PCDHGA4: variants seen among roughly 807,000 people sequenced by gnomAD.
PCDHGA4 encodes protocadherin gamma-A4.
A neutral mutation model predicts 54.6 loss-of-function variants in PCDHGA4; 38 were observed. The ratio of observed to expected loss-of-function variants is 0.70; its 90% confidence interval spans 0.54 to 0.91. PCDHGA4 has a LOEUF of 0.91. PCDHGA4 is among the 40% of genes least tolerant of loss of function. The pLI, the probability that PCDHGA4 is intolerant of heterozygous loss-of-function variation, is 0.00. For missense variants in PCDHGA4, 1,298 were observed against 1,220.9 expected (o/e 1.06, Z -0.94); for synonymous variants, 511 against 512.9 (o/e 1.00, Z 0.05).
chr5:141,421,433 C>T, intron 1 of PCDHGA4: 1 of 1,614,074 alleles, frequency 6.2e-7, no homozygotes, highest in African/African-American at 1.3e-5. Flanking sequence ...CGCATCGTCT[C>T]CAGAGGGAAG....
At chr5:141,371,827 A>AT (rs1561552791) in intron 1 of PCDHGA4, 3 of 1,613,784 alleles carry the variant, frequency 1.9e-6, no homozygotes, top group Admixed American at 3.3e-5. Context: ...AGAGCCTCGG[A>AT]TCCCGACTTG....
intron 1 of PCDHGA4, chr5:141,427,369 C>T (rs1333238163): frequency 4.4e-6 from 2 of 457,834 alleles, no homozygotes; most frequent in Non-Finnish European, 8.8e-6. Flanking sequence ...GAACCCTGGA[C>T]GGTGATCACT....
At position 141,487,080 on chromosome 5, in the gene PCDHGA4, C is replaced by G. The variant is rs2154580766; in HGVS notation, c.2515-7727C>G. 1 of 1,614,126 alleles carries G rather than the reference C, an allele frequency of 6.2e-7. No individual in the cohort carries two copies. Among genetic ancestry groups the G allele is most frequent in the East Asian group, 2.2e-5 (1 of 44,872 alleles). On this transcript the variant is annotated intron_variant, in intron 1 of 3. Coordinates refer to ENST00000571252, the MANE Select transcript of PCDHGA4 (RefSeq NM_018917.4). This position sits in a 1 kb window ranked among gnomAD's most constrained non-coding sequence, Gnocchi z 5.0. ...GTGCGGACGGCTGTTCCTATCCCAG[C>G]TGACCTCCCACCACAGAAGCTGGTC...
At chr5:141,383,059 C>A (rs1778767353) in intron 1 of PCDHGA4, 1 of 1,613,894 alleles carries the variant, frequency 6.2e-7, no homozygotes, top group Non-Finnish European at 8.5e-7. Flanking sequence ...GGACCTGGGG[C>A]TGGAGCCCCG....
intron 1 of PCDHGA4, among the ~76,000 whole-genome samples, chr5:141,457,873 G>C (rs967389295): frequency 2.0e-5 from 3 of 152,200 alleles, no homozygotes; most frequent in Non-Finnish European, 4.4e-5. Context: ...CCACAGGTTA[G>C]GAACCCTGTG....
intron 1 of PCDHGA4, chr5:141,375,797 T>A: frequency 6.2e-7 from 1 of 1,614,192 alleles, no homozygotes; most frequent in Non-Finnish European, 8.5e-7. Flanking sequence ...CACAGACGGT[T>A]CCACTGGCGT....
In PCDHGA4 at chr5:141,489,734, A is replaced by G; in HGVS notation, c.2515-5073A>G. The G allele has an allele frequency of 6.2e-7, 1 of 1,614,164 alleles. No individual in the cohort carries two copies. Among genetic ancestry groups the G allele is most frequent in the Non-Finnish European group, 8.5e-7 (1 of 1,180,028 alleles). On this transcript the variant is annotated intron_variant, in intron 1 of 3. Transcript: ENST00000571252. This position sits in a 1 kb window ranked among gnomAD's most constrained non-coding sequence, Gnocchi z 4.5. ...GCCCAGGATCCGGATGTGGGCACCAATACTGTGAGCTTTTACACTCTAAGC... is the reference window on the plus strand; with the variant it reads ...GCCCAGGATCCGGATGTGGGCACCAGTACTGTGAGCTTTTACACTCTAAGC...
chr5:141,423,159 G>A lies in PCDHGA4; in HGVS notation c.2514+65538G>A, dbSNP rs750186629. On this transcript the variant is annotated intron_variant, in intron 1 of 3. Transcript: ENST00000571252. Reference sequence around the variant, plus strand: ...GAGACGCGCTCAAGCAGAGCCTCGTGGTGGCCGTCCAGGACCACGGCCAGC... The same window carrying A: ...GAGACGCGCTCAAGCAGAGCCTCGTAGTGGCCGTCCAGGACCACGGCCAGC... The A allele has an allele frequency of 1.9e-5, 31 of 1,610,746 alleles. 1 individual carries two copies. The highest frequency in any genetic ancestry group is 3.3e-4 in the Middle Eastern group (2 of 6,080).
chr5:141,497,702 G>A (rs904199928), intron 2 of PCDHGA4, among the ~76,000 whole-genome samples: 16 of 152,054 alleles, frequency 1.1e-4, no homozygotes, highest in African/African-American at 3.9e-4. Context: ...ACCACACCCA[G>A]CTCATTTTTG....
chr5:141,405,333 CTGTT>C (rs1203111813), intron 1 of PCDHGA4: 18 of 1,614,204 alleles, frequency 1.1e-5, no homozygotes, highest in Non-Finnish European at 1.4e-5. Flanking sequence ...TTGTGCGTCT[CTGTT>C]GATTCCAAGT....
chr5:141,450,310 G>A (rs1364358879), intron 1 of PCDHGA4, among the ~76,000 whole-genome samples: 1 of 151,966 alleles, frequency 6.6e-6, no homozygotes, highest in Non-Finnish European at 1.5e-5. Context: ...ACCATGTGTG[G>A]CCTAGTTGCC....
chr5:141,375,943 C>T lies in PCDHGA4; in HGVS notation c.2514+18322C>T, dbSNP rs111303338. 3.8e-3 allele frequency: 6,199 copies of T among 1,613,582 alleles called. 67 individuals are homozygous for T. Among genetic ancestry groups the T allele is most frequent in the African/African-American group, 0.036 (2,673 of 75,052 alleles). ...GCGAGCCAGGACTTTTCTCAGTGGG[C>T]CTGCACACGGGCGAGGTGCGCACGG... On this transcript the variant is annotated intron_variant, in intron 1 of 3. Coordinates refer to ENST00000571252, the MANE Select transcript of PCDHGA4 (RefSeq NM_018917.4).
At chr5:141,399,205 A>G (rs1344993471) in intron 1 of PCDHGA4, 1 of 1,613,982 alleles carries the variant, frequency 6.2e-7, no homozygotes, top group Admixed American at 1.7e-5. Flanking sequence ...GGTGCCTGGA[A>G]CACTAATTGC....
Position 141,485,119 on chromosome 5 carries a change from C to A in PCDHGA4, c.2515-9688C>A. 3.0e-6 allele frequency: 4 copies of A among 1,328,812 alleles called. No homozygotes were observed. Among genetic ancestry groups the A allele is most frequent in the Non-Finnish European group, 4.3e-6 (4 of 935,940 alleles). The allele number at this position is 1,328,812 out of a possible 1,614,324, so 82.3% of individuals were successfully genotyped here. ...CTCCAGCTGCTGTGGCTGTTTGGGG[C>A]GGGTCGGCTTCATCCGCGTCTCAGG... On this transcript the variant is annotated intron_variant, in intron 1 of 3. Transcript: ENST00000571252. This position sits in a 1 kb window ranked among gnomAD's most constrained non-coding sequence, Gnocchi z 5.7.
chr5:141,413,157 A>T, intron 1 of PCDHGA4: 2 of 1,578,898 alleles, frequency 1.3e-6, no homozygotes, highest in Non-Finnish European at 1.7e-6. Flanking sequence ...ACTTTGCAGA[A>T]TTCTGTAACC....
At chr5:141,404,892 A>T in intron 1 of PCDHGA4, 1 of 1,613,880 alleles carries the variant, frequency 6.2e-7, no homozygotes, top group African/African-American at 1.3e-5. Context: ...GTGGCTGTAC[A>T]GGACCATGGC....
At chr5:141,466,094 C>T (rs1462266046) in intron 1 of PCDHGA4, among the ~76,000 whole-genome samples, 1 of 152,040 alleles carries the variant, frequency 6.6e-6, no homozygotes, top group Non-Finnish European at 1.5e-5. Flanking sequence ...TGCACTCCAG[C>T]CTGGGCAACA....
At position 141,357,551 on chromosome 5, in the gene PCDHGA4, G is replaced by A. The variant is rs776549222; in HGVS notation, c.2444G>A (p.Ser815Asn). 1.2e-6 allele frequency: 2 copies of A among 1,614,242 alleles called. No homozygotes were observed. Among genetic ancestry groups the A allele is most frequent in the Non-Finnish European group, 8.5e-7 (1 of 1,180,048 alleles). Residue 815 changes from serine (S) to asparagine (N), a missense_variant, in exon 1 of 4, where the codon AGT (serine) becomes AAT (asparagine). Transcript: ENST00000571252. Reference protein sequence around the residue: ...SYADTLISRESCEKSEPLLIT... With the variant: ...SYADTLISRENCEKSEPLLIT... ...GCAGACACGCTCATCAGCCGGGAGA[G>A]TTGTGAGAAAAGCGAGCCTCTTCTG...
At chr5:141,473,810 G>A (rs549204595) in intron 1 of PCDHGA4, among the ~76,000 whole-genome samples, 1 of 152,334 alleles carries the variant, frequency 6.6e-6, no homozygotes, top group South Asian at 2.1e-4. Flanking sequence ...CTGAGGAGCA[G>A]CTGGACAATT....
Sources: gnomAD v4.1 joint callset for allele counts (sites outside exome capture counted in the v4.1 genomes callset) on GRCh38, gnomAD v4.1.1 for gene constraint, Gnocchi (gnomAD v3.1) non-coding constraint, MANE v1.5 for transcripts, NCBI Gene and HGNC (gene_info 2026-07-23, HGNC 2026-07-21) for gene names.